Variants in DRC8 observed in about 807,000 individuals in gnomAD.
DRC8 encodes the protein dynein regulatory complex protein 8.
At chr1:245,083,742 G>A in the DRC8 span, 1 of 1,555,742 alleles carries the variant, frequency 6.4e-7, no homozygotes, top group African/African-American at 1.4e-5. Flanking sequence ...TTAATAATTT[G>A]TTAACAGTTA....
At chr1:245,059,379 T>C in the DRC8 span, 2 of 1,604,750 alleles carry the variant, frequency 1.2e-6, no homozygotes, top group Non-Finnish European at 1.7e-6. Flanking sequence ...AACTTTTTTT[T>C]TTCCAGAGAG....
chr1:244,983,739 C>CAAAAAA, the DRC8 span, among the ~76,000 whole-genome samples: 2 of 100,978 alleles, frequency 2.0e-5, no homozygotes, highest in Non-Finnish European at 3.8e-5. Flanking sequence ...GACTCTGTCT[C>CAAAAAA]AAAAAAAAAA....
the DRC8 span, among the ~76,000 whole-genome samples, chr1:245,054,565 G>A: frequency 6.6e-6 from 1 of 152,014 alleles, no homozygotes; most frequent in African/African-American, 2.4e-5. Context: ...CCACGCCCCG[G>A]CCCTCTCCTG....
chr1:245,010,085 T>C, the DRC8 span, among the ~76,000 whole-genome samples: 1 of 152,022 alleles, frequency 6.6e-6, no homozygotes, highest in African/African-American at 2.4e-5. Flanking sequence ...GGTCTCACAC[T>C]TCTGACCTCA....
At chr1:245,069,329 C>A in the DRC8 span, among the ~76,000 whole-genome samples, 1 of 152,076 alleles carries the variant, frequency 6.6e-6, no homozygotes, top group East Asian at 1.9e-4. Flanking sequence ...CATAAGGAAG[C>A]AAAAATATAG....
chr1:245,077,205 T>G, the DRC8 span, among the ~76,000 whole-genome samples: 2 of 152,108 alleles, frequency 1.3e-5, no homozygotes, highest in Admixed American at 1.3e-4. Context: ...CAATAGAAAT[T>G]TATTGTCTCA....
At chr1:245,009,852 G>GT in the DRC8 span, among the ~76,000 whole-genome samples, 1 of 151,502 alleles carries the variant, frequency 6.6e-6, no homozygotes, top group African/African-American at 2.4e-5. Flanking sequence ...TGATGCATGT[G>GT]TTTTTTGTTT....
At chr1:245,053,056 ACC>A in the DRC8 span, among the ~76,000 whole-genome samples, 1 of 152,230 alleles carries the variant, frequency 6.6e-6, no homozygotes, top group African/African-American at 2.4e-5. Flanking sequence ...ACTTGTCAAG[ACC>A]AATAAAAAGT....
the DRC8 span, among the ~76,000 whole-genome samples, chr1:245,016,556 T>G: frequency 6.6e-6 from 1 of 152,206 alleles, no homozygotes; most frequent in Non-Finnish European, 1.5e-5. Context: ...TGCCTTACTA[T>G]GTATTTTATC....
chr1:244,973,853 A>G, the DRC8 span, among the ~76,000 whole-genome samples: 1 of 152,130 alleles, frequency 6.6e-6, no homozygotes, highest in Non-Finnish European at 1.5e-5. Context: ...TGATAAGAAA[A>G]ATTACCTAAA....
chr1:245,097,013 CTGAA>C, the DRC8 span, among the ~76,000 whole-genome samples: 384 of 152,252 alleles, frequency 2.5e-3, 2 homozygotes, highest in Non-Finnish European at 4.7e-3. The surrounding 1 kb of genome is among the most constrained non-coding windows in gnomAD (Gnocchi z 5.0). Flanking sequence ...TAAATATCTG[CTGAA>C]TGAATGAATA....
At chr1:245,121,891 T>C in the DRC8 span, 1 of 419,294 alleles carries the variant, frequency 2.4e-6, no homozygotes. Context: ...TTCTTTTCTT[T>C]TTTCTTATTT....
At chr1:245,044,196 A>T in the DRC8 span, among the ~76,000 whole-genome samples, 1 of 152,244 alleles carries the variant, frequency 6.6e-6, no homozygotes, top group East Asian at 1.9e-4. Flanking sequence ...GATGTACCAT[A>T]TAATGGTATG....
the DRC8 span, among the ~76,000 whole-genome samples, chr1:245,065,114 C>G: frequency 1.2e-5 from 1 of 80,686 alleles, no homozygotes; most frequent in Admixed American, 1.7e-4. Flanking sequence ...TTAGTAGAGA[C>G]AGGGTTTTTA....
At chr1:245,061,935 G>A in the DRC8 span, among the ~76,000 whole-genome samples, 1 of 152,142 alleles carries the variant, frequency 6.6e-6, no homozygotes, top group Admixed American at 6.5e-5. Context: ...GTGAAGTCCT[G>A]TCTCTACTAA....
chr1:244,985,320 G>T, the DRC8 span, among the ~76,000 whole-genome samples: 2 of 152,176 alleles, frequency 1.3e-5, no homozygotes, highest in African/African-American at 4.8e-5. Flanking sequence ...TGCCACTTTA[G>T]AGCTGGATAA....
At chr1:245,083,925 C>A in the DRC8 span, 2 of 441,418 alleles carry the variant, frequency 4.5e-6, no homozygotes, top group Middle Eastern at 6.3e-4. Context: ...ACAGTGATTA[C>A]TTCTATAATT....
chr1:245,075,729 C>T, the DRC8 span: 7 of 152,136 alleles, frequency 4.6e-5, no homozygotes, highest in African/African-American at 1.7e-4. Flanking sequence ...AAACGCTGCC[C>T]GGCTTACTTT....
the DRC8 span, among the ~76,000 whole-genome samples, chr1:244,990,829 C>G: frequency 0.58 from 87,960 of 151,024 alleles, 26,346 homozygotes; most frequent in East Asian, 0.75. Flanking sequence ...TTTTTTTGTA[C>G]TTCTACTACT....
Sources: allele counts gnomAD v4.1 joint callset (sites outside exome capture counted in the v4.1 genomes callset), GRCh38; gene constraint gnomAD v4.1.1; non-coding constraint Gnocchi (gnomAD v3.1); transcripts MANE v1.5; gene names NCBI Gene and HGNC (gene_info 2026-07-23, HGNC 2026-07-21).